The following IGFBP5 variants were observed in gnomAD, a reference collection of about 807,000 sequenced individuals.
IGFBP5 encodes the protein insulin-like growth factor-binding protein 5.
In IGFBP5, 12 loss-of-function variants were observed where a neutral mutation model predicts 28.0. The observed-to-expected ratio is 0.43, with a 90% CI of 0.27 to 0.69. IGFBP5 has a LOEUF of 0.69. Among genes scored for constraint, IGFBP5 ranks in the 30% least tolerant of loss-of-function variants. IGFBP5 has a pLI of 0.20. For missense variants in IGFBP5, 344 were observed against 381.6 expected (o/e 0.90, Z 0.82); for synonymous variants, 152 against 150.2 (o/e 1.01, Z -0.09).
intron 3 of IGFBP5, among the ~76,000 whole-genome samples, chr2:216,677,552 G>A (rs1217522810): frequency 6.6e-6 from 1 of 152,164 alleles, no homozygotes; most frequent in Non-Finnish European, 1.5e-5. Context: ...ATTTGCCCCA[G>A]TGTGGCCTGG....
intron 3 of IGFBP5, among the ~76,000 whole-genome samples, chr2:216,677,541 G>T (rs993290134): frequency 6.6e-6 from 1 of 152,192 alleles, no homozygotes; most frequent in Non-Finnish European, 1.5e-5. Context: ...GCAGAGCCAA[G>T]ATTTGCCCCA....
At chr2:216,678,074 G>T in intron 3 of IGFBP5, 38 bp downstream of exon 3, 1 of 1,382,068 alleles carries the variant, frequency 7.2e-7, no homozygotes, top group South Asian at 2.0e-5. Context: ...GCCATTTTTG[G>T]AGCAGTCTGA....
At position 216,690,710 on chromosome 2, in the gene IGFBP5, G is replaced by A. The variant is rs369255620; in HGVS notation, c.337+3729C>T. Among the ~76,000 whole-genome samples the A allele has an allele frequency of 1.0e-4, 14 of 135,168 alleles. No individual in the cohort carries two copies. The East Asian group carries it at 1.3e-3, about 13-fold the overall frequency. The allele number at this position is 135,168 out of a possible 152,430, so 88.7% of individuals were successfully genotyped here. The stretch of plus-strand genomic sequence containing the variant: ...CTTAAAACTCAAGCCCTCAGGGGAT[G>A]CCTTAGAGTTGGGGTGGGGGGTCGG... On this transcript the variant is annotated intron_variant, in intron 1 of 3. Transcript: ENST00000233813.
intron 1 of IGFBP5, among the ~76,000 whole-genome samples, chr2:216,682,547 G>C (rs1688988187): frequency 6.6e-6 from 1 of 152,116 alleles, no homozygotes; most frequent in Admixed American, 6.5e-5. Context: ...TACCCGGGAG[G>C]ACTTCCTGGT....
intron 1 of IGFBP5, among the ~76,000 whole-genome samples, chr2:216,684,148 C>T (rs768435698): frequency 1.8e-4 from 27 of 152,214 alleles, no homozygotes; most frequent in Non-Finnish European, 2.6e-4. Context: ...CACAATTGCA[C>T]AACGCATGTA....
rs1688875972 is a variant in IGFBP5 at position 216,674,848 on chromosome 2, C to T, written c.*1903G>A. 6.6e-6 allele frequency: 1 copy of T among 152,186 alleles called. No individual in the cohort carries two copies. Among genetic ancestry groups the T allele is most frequent in the South Asian group, 2.1e-4 (1 of 4,824 alleles). The allele number at this position is 152,186 out of a possible 1,614,324, so 9.4% of individuals were successfully genotyped here. On this transcript the variant is annotated 3_prime_UTR_variant, in exon 4 of 4. Transcript: ENST00000233813. The surrounding 1 kb of genome is among the most constrained non-coding windows in gnomAD (Gnocchi z 4.4). ...GCTGGAAAGACTCGTGGGCCTCAGT[C>T]CCTCATTGCAGGCTGAAGGTGGGCA...
chr2:216,673,654 G>C lies in IGFBP5; in HGVS notation c.*3097C>G, dbSNP rs543825082. 1.3e-5 allele frequency: 2 copies of C among 152,548 alleles called. No individual in the cohort carries two copies. The highest frequency in any genetic ancestry group is 4.8e-5 in the African/African-American group (2 of 41,588). The allele number at this position is 152,548 out of a possible 1,614,324, so 9.4% of individuals were successfully genotyped here. A position where few individuals can be genotyped will look rare whatever the true frequency, so the allele number is the denominator to read the frequency against. ...GGAGTCCAAGGTCTCTGGGTGAGCA[G>C]ACAGTCGGCCAAAGGCCAGCCTGGA... is the stretch of plus-strand genomic sequence containing the variant. On this transcript the variant is annotated 3_prime_UTR_variant, in exon 4 of 4. Transcript: ENST00000233813. The surrounding 1 kb of genome is among the most constrained non-coding windows in gnomAD (Gnocchi z 4.3).
At position 216,678,218 on chromosome 2, in the gene IGFBP5, C is replaced by G. The variant is rs1329374818; in HGVS notation, c.581G>C (p.Arg194Thr). The G allele has an allele frequency of 3.2e-6, 5 of 1,580,738 alleles. No homozygotes were observed. Among genetic ancestry groups the G allele is most frequent in the Non-Finnish European group, 4.3e-6 (5 of 1,160,852 alleles). Residue 194 changes from arginine (R) to threonine (T), a missense_variant, in exon 3 of 4, where the codon AGA becomes ACA. Around this residue, in one of 3 missense-constraint regions of IGFBP5, gnomAD observed 304 missense variants for 329.2 expected, o/e 0.92. Coordinates refer to ENST00000233813, the MANE Select transcript of IGFBP5 (RefSeq NM_000599.4). ...CTCCTGCAGGGAAGCCTCCATGTGT[C>G]TGCGGCAGGGGCCCTGTGTGGACAG... ...RQESEQGPCR[R>T]HMEASLQELK...
chr2:216,678,692 C>T, intron 2 of IGFBP5, 158 bp downstream of exon 2: 2 of 630,850 alleles, frequency 3.2e-6, no homozygotes, highest in Non-Finnish European at 5.5e-6. Flanking sequence ...CAAGTGTATG[C>T]TCTGGAAACT....
intron 1 of IGFBP5, among the ~76,000 whole-genome samples, chr2:216,682,351 A>C (rs1688985951): frequency 6.6e-6 from 1 of 152,154 alleles, no homozygotes; most frequent in Admixed American, 6.5e-5. Context: ...GGAAAGTAAG[A>C]CTGGAGCTGA....
At position 216,676,662 on chromosome 2, in the gene IGFBP5, A is replaced by G. The variant is rs1688902746; in HGVS notation, c.*89T>C. 11 of 779,252 alleles carry G rather than the reference A, an allele frequency of 1.4e-5. No homozygotes were observed. Among genetic ancestry groups the G allele is most frequent in the Middle Eastern group, 7.6e-4 (2 of 2,640 alleles). 48.3% of individuals were successfully genotyped at this position (779,252 alleles called of 1,614,324 possible). A position where few individuals can be genotyped will look rare whatever the true frequency, so the allele number is the denominator to read the frequency against. On this transcript the variant is annotated 3_prime_UTR_variant, in exon 4 of 4. Transcript: ENST00000233813. ...ATATTTTTCCCTTAAATGAGATGAA[A>G]TGAGTGGCGTCCTGGGGTGGAGGGA... is the stretch of plus-strand genomic sequence containing the variant.
rs947460864 is a variant in IGFBP5, at chr2:216,674,450, A to G, written c.*2301T>C. 3 of 152,452 alleles carry G rather than the reference A, an allele frequency of 2.0e-5. No homozygotes were observed. Among genetic ancestry groups the G allele is most frequent in the African/African-American group, 7.2e-5 (3 of 41,422 alleles). The allele number at this position is 152,452 out of a possible 1,614,324, so 9.4% of individuals were successfully genotyped here. On this transcript the variant is annotated 3_prime_UTR_variant, in exon 4 of 4. Coordinates refer to ENST00000233813, the MANE Select transcript of IGFBP5 (RefSeq NM_000599.4). The surrounding 1 kb of genome is among the most constrained non-coding windows in gnomAD (Gnocchi z 4.4). ...TCCAGGGGCATAGGAGATAGCCCCC[A>G]AGTTCTATAGCTATAGGGTTCCCAT...
intron 2 of IGFBP5, 42 bp downstream of exon 2, chr2:216,678,808 G>C: frequency 6.5e-7 from 1 of 1,530,344 alleles, no homozygotes; most frequent in Non-Finnish European, 9.0e-7. Context: ...TGCAGGAAAA[G>C]GTCAAAAGCT....
intron 1 of IGFBP5, among the ~76,000 whole-genome samples, chr2:216,684,129 T>C (rs1689009476): frequency 6.6e-6 from 1 of 152,184 alleles, no homozygotes. Flanking sequence ...TGAGAAATAC[T>C]CCATGCTGCA....
intron 1 of IGFBP5, among the ~76,000 whole-genome samples, chr2:216,680,565 G>C (rs752262237): frequency 2.0e-5 from 3 of 152,200 alleles, no homozygotes; most frequent in Non-Finnish European, 4.4e-5. Flanking sequence ...CAGGTGGCAG[G>C]AAGCACCCAA....
chr2:216,672,306 T>G lies in IGFBP5; in HGVS notation c.*4445A>C, dbSNP rs1048387759. 2.5e-4 allele frequency: 37 copies of G among 150,862 alleles called. No individual in the cohort carries two copies. Among genetic ancestry groups the G allele is most frequent in the Non-Finnish European group, 4.7e-4 (32 of 67,862 alleles). 9.3% of individuals were successfully genotyped at this position (150,862 alleles called of 1,614,324 possible). On this transcript the variant is annotated 3_prime_UTR_variant, in exon 4 of 4. Transcript: ENST00000233813. ...CGAGCTCTTCCGCATTCAGGTGTTT[T>G]TTTTTTTTTTTTCGGCTTTTTTTTT...
At position 216,676,707 on chromosome 2, in the gene IGFBP5, G is replaced by A. The variant is rs1386150115; in HGVS notation, c.*44C>T. The A allele has an allele frequency of 1.4e-6, 2 of 1,408,322 alleles. No homozygotes were observed. The highest frequency in any genetic ancestry group is 1.9e-5 in the Admixed American group (1 of 53,524). The allele number at this position is 1,408,322 out of a possible 1,614,324, so 87.2% of individuals were successfully genotyped here. On this transcript the variant is annotated 3_prime_UTR_variant, in exon 4 of 4. Coordinates refer to ENST00000233813, the MANE Select transcript of IGFBP5 (RefSeq NM_000599.4). ...GAGGGAGGCGCTGGCTGGAGTCGGG[G>A]CTGGGGGTGGGAGGGGGTGAGGGAA...
In IGFBP5 at chr2:216,676,734, G is replaced by C; in HGVS notation, c.*17C>G. 1 of 1,600,830 alleles carries C rather than the reference G, an allele frequency of 6.2e-7. No individual in the cohort carries two copies. Among genetic ancestry groups the C allele is most frequent in the Non-Finnish European group, 8.5e-7 (1 of 1,172,454 alleles). On this transcript the variant is annotated 3_prime_UTR_variant, in exon 4 of 4. Transcript: ENST00000233813. ...TGGGGGTGGGAGGGGGTGAGGGAAA[G>C]GTTGGGGGGGGACGCATCACTCAAC... is the stretch of plus-strand genomic sequence containing the variant.
At position 216,692,038 on chromosome 2, in the gene IGFBP5, C is replaced by T. The variant is rs148146577; in HGVS notation, c.337+2401G>A. On this transcript the variant is annotated intron_variant, in intron 1 of 3. Transcript: ENST00000233813. The surrounding 1 kb of genome is among the most constrained non-coding windows in gnomAD (Gnocchi z 4.2). ...CCCTCTCTCTGTCCATTTCTCTCTC[C>T]TTAAGAACGGTCTCTACACCATCTC... 2.6e-3 allele frequency among the ~76,000 whole-genome samples: 393 copies of T among 152,074 alleles called. 4 individuals are homozygous for T. The highest frequency in any genetic ancestry group is 9.1e-3 in the African/African-American group (376 of 41,440).
Sources: allele counts gnomAD v4.1 joint callset (sites outside exome capture counted in the v4.1 genomes callset), GRCh38; gene constraint gnomAD v4.1.1; regional missense constraint gnomAD v4.1.1; non-coding constraint Gnocchi (gnomAD v3.1); transcripts MANE v1.5; gene names NCBI Gene and HGNC (gene_info 2026-07-23, HGNC 2026-07-21).